Variants in TMPRSS11F observed in about 807,000 individuals in gnomAD.
TMPRSS11F encodes transmembrane serine protease 11F.
A neutral mutation model predicts 60.2 loss-of-function variants in TMPRSS11F; 47 were observed. The observed-to-expected ratio is 0.78, with a 90% CI of 0.62 to 1.00. The LOEUF is 1.00. TMPRSS11F is among the 50% of genes least tolerant of loss of function. The pLI is 0.00. For missense variants in TMPRSS11F, 519 were observed against 522.9 expected (o/e 0.99, Z 0.07); for synonymous variants, 166 against 167.3 (o/e 0.99, Z 0.06).
intron 1 of TMPRSS11F, among the ~76,000 whole-genome samples, chr4:68,119,897 G>T (rs1217088706): frequency 3.9e-5 from 6 of 152,114 alleles, no homozygotes; most frequent in Non-Finnish European, 7.4e-5. Flanking sequence ...AAGCCTTCTG[G>T]AAAGGATTTA....
At chr4:68,080,939 A>G (rs1344737570) in intron 3 of TMPRSS11F, 1 of 152,250 alleles carries the variant, frequency 6.6e-6, no homozygotes, top group African/African-American at 2.4e-5. Flanking sequence ...ACAGCCAGGA[A>G]AAGATTCAAT....
chr4:68,064,651 C>G, intron 8 of TMPRSS11F, 34 bp downstream of exon 8: 1 of 1,603,254 alleles, frequency 6.2e-7, no homozygotes, highest in Non-Finnish European at 8.5e-7. Flanking sequence ...TCAAGACATT[C>G]TTGTGCTAAG....
At position 68,090,580 on chromosome 4, in the gene TMPRSS11F, A is replaced by G; in HGVS notation, c.225T>C (p.Asn75=). Residue 75 remains asparagine (N), a synonymous_variant, in exon 3 of 10, where the codon AAT becomes AAC. Coordinates refer to ENST00000356291, the MANE Select transcript of TMPRSS11F (RefSeq NM_207407.2). The part of the protein sequence containing the change: ...FKVTNIKYKE[N]YGIRSSREFI... The stretch of plus-strand genomic sequence containing the variant: ...ACTCTCTTGAAGATCTTATGCCATA[A>G]TTTTCTTTATATTTGATATTTGTGA... 6.2e-7 allele frequency: 1 copy of G among 1,602,058 alleles called. No homozygotes were observed.
chr4:68,082,683 C>T (rs1335269288), intron 3 of TMPRSS11F, among the ~76,000 whole-genome samples: 1 of 152,248 alleles, frequency 6.6e-6, no homozygotes, highest in Non-Finnish European at 1.5e-5. Flanking sequence ...GGCTCAATCT[C>T]AACCCCGTTG....
At chr4:68,090,080 A>C (rs1723892253) in intron 3 of TMPRSS11F, among the ~76,000 whole-genome samples, 1 of 152,156 alleles carries the variant, frequency 6.6e-6, no homozygotes, top group African/African-American at 2.4e-5. Context: ...CAAAATATGT[A>C]AGTCATAACT....
At chr4:68,117,430 C>T (rs929965408) in intron 1 of TMPRSS11F, among the ~76,000 whole-genome samples, 5 of 133,378 alleles carry the variant, frequency 3.7e-5, no homozygotes, top group African/African-American at 5.5e-5. Flanking sequence ...ATCCGGCCAC[C>T]GCACTCCAGC....
intron 2 of TMPRSS11F, among the ~76,000 whole-genome samples, chr4:68,098,594 T>C (rs2109871235): frequency 1.3e-5 from 2 of 152,354 alleles, no homozygotes; most frequent in South Asian, 4.1e-4. Context: ...TACTAAACTC[T>C]CAGCACATTA....
intron 2 of TMPRSS11F, among the ~76,000 whole-genome samples, chr4:68,092,308 T>G (rs1025916209): frequency 4.6e-5 from 7 of 152,206 alleles, no homozygotes; most frequent in African/African-American, 1.7e-4. Flanking sequence ...AAGTAATTGA[T>G]GTTTTAATTG....
intron 1 of TMPRSS11F, 128 bp downstream of exon 1, chr4:68,129,682 C>T: frequency 1.2e-6 from 1 of 807,212 alleles, no homozygotes; most frequent in Non-Finnish European, 1.9e-6. Context: ...ATATAAAATA[C>T]AATAACACAC....
At chr4:68,107,738 A>C (rs1299445831) in intron 1 of TMPRSS11F, among the ~76,000 whole-genome samples, 1 of 152,156 alleles carries the variant, frequency 6.6e-6, no homozygotes, top group Non-Finnish European at 1.5e-5. Flanking sequence ...AGAGATCAAG[A>C]CCATCCTGGC....
At chr4:68,108,237 G>A (rs1724341107) in intron 1 of TMPRSS11F, among the ~76,000 whole-genome samples, 1 of 152,290 alleles carries the variant, frequency 6.6e-6, no homozygotes, top group Non-Finnish European at 1.5e-5. Context: ...AAAGAGAAGA[G>A]TTAAGGAGGA....
Position 68,129,865 on chromosome 4 carries a change from G to T in TMPRSS11F, c.-45C>A. On this transcript the variant is annotated 5_prime_UTR_variant, in exon 1 of 10. Transcript: ENST00000356291. ...CTTCTATTCAGTCACCATCTGATCT[G>T]TATCAGCAGGTTAGGACTTGGAGGC... 6.2e-7 allele frequency: 1 copy of T among 1,604,956 alleles called. No homozygotes were observed. Among genetic ancestry groups the T allele is most frequent in the Non-Finnish European group, 8.5e-7 (1 of 1,172,196 alleles).
chr4:68,117,219 G>C (rs1479067777), intron 1 of TMPRSS11F, among the ~76,000 whole-genome samples: 2 of 152,084 alleles, frequency 1.3e-5, no homozygotes, highest in Non-Finnish European at 1.5e-5. Context: ...TGTAATCTCA[G>C]CACTTTGGGA....
chr4:68,118,398 G>A (rs761252858), intron 1 of TMPRSS11F, among the ~76,000 whole-genome samples: 21 of 152,134 alleles, frequency 1.4e-4, no homozygotes, highest in Admixed American at 5.9e-4. Flanking sequence ...ATTTTGGATA[G>A]TTCAAACAAG....
chr4:68,112,123 C>A (rs569351490), intron 1 of TMPRSS11F, among the ~76,000 whole-genome samples: 104 of 152,300 alleles, frequency 6.8e-4, no homozygotes, highest in African/African-American at 2.5e-3. Flanking sequence ...TCTACTGAAT[C>A]AAGCACACAC....
intron 3 of TMPRSS11F, among the ~76,000 whole-genome samples, chr4:68,087,423 C>G (rs1352342835): frequency 6.6e-6 from 1 of 152,118 alleles, no homozygotes; most frequent in Non-Finnish European, 1.5e-5. Context: ...TGGGCAAAAG[C>G]TGGAACCATT....
chr4:68,101,915 G>A (rs1469486801), intron 1 of TMPRSS11F, among the ~76,000 whole-genome samples: 1 of 151,974 alleles, frequency 6.6e-6, no homozygotes, highest in Non-Finnish European at 1.5e-5. Context: ...TAGTCCTCAT[G>A]TTGTACATTA....
intron 1 of TMPRSS11F, among the ~76,000 whole-genome samples, chr4:68,118,015 G>A (rs1724560597): frequency 6.6e-6 from 1 of 152,082 alleles, no homozygotes; most frequent in Non-Finnish European, 1.5e-5. Context: ...TGTGACACCT[G>A]AGACTGCTAC....
intron 9 of TMPRSS11F, among the ~76,000 whole-genome samples, chr4:68,056,809 A>G (rs1723056696): frequency 6.6e-6 from 1 of 152,254 alleles, no homozygotes; most frequent in Non-Finnish European, 1.5e-5. Context: ...AATTGTAATC[A>G]ACATAGTGTG....
Sources: gnomAD v4.1 joint callset for allele counts (sites outside exome capture counted in the v4.1 genomes callset) on GRCh38, gnomAD v4.1.1 for gene constraint, MANE v1.5 for transcripts, NCBI Gene and HGNC (gene_info 2026-07-23, HGNC 2026-07-21) for gene names.